The following RPL39 variants were observed in gnomAD, a reference collection of about 807,000 sequenced individuals.
RPL39 encodes the protein large ribosomal subunit protein eL39.
For missense variants in RPL39, 6 were observed against 37.2 expected, an observed-to-expected ratio of 0.16 and a Z score of 2.18; for synonymous variants, 8 against 11.4, an observed-to-expected ratio of 0.70 and a Z score of 0.60.
chrX:119,790,135 T>C (rs1569456269), intron 1 of RPL39, 124 bp from the exon 2 acceptor site: 1 of 431,459 alleles, frequency 2.3e-6, no homozygotes, highest in East Asian at 3.8e-5. Context: ...ATCTTCTCAA[T>C]GCTAAGCCAT....
intron 2 of RPL39, among the ~76,000 whole-genome samples, chrX:119,788,643 C>T (rs1052573020): frequency 9.0e-6 from 1 of 111,683 alleles, no homozygotes; most frequent in Non-Finnish European, 1.9e-5. Flanking sequence ...CCTGTAGTCC[C>T]AGCTACTCAG....
intron 1 of RPL39, 145 bp from the exon 2 acceptor site, chrX:119,790,156 A>T (rs1261893045): frequency 1.9e-5 from 8 of 410,564 alleles, no homozygotes; most frequent in Non-Finnish European, 3.4e-5. Context: ...CAAGCCAAGC[A>T]AGTCTCTGAC....
chrX:119,786,567 T>A lies in RPL39; in HGVS notation c.*117A>T, dbSNP rs1372906147. On this transcript the variant is annotated 3_prime_UTR_variant, in exon 3 of 3. Coordinates refer to ENST00000361575, the MANE Select transcript of RPL39 (RefSeq NM_001000.4). ...GCCAACCAACGTGTTCATAACAGAT[T>A]CAGAGAGGAAAACACGTCGAAATCT... The A allele has an allele frequency of 1.8e-6, 1 of 566,749 alleles. No individual in the cohort carries two copies. The highest frequency in any genetic ancestry group is 2.9e-6 in the Non-Finnish European group (1 of 340,902). The allele number at this position is 566,749 out of a possible 1,213,427, so 46.7% of individuals were successfully genotyped here.
chrX:119,788,321 C>T (rs1323019614), intron 2 of RPL39, among the ~76,000 whole-genome samples: 1 of 111,252 alleles, frequency 9.0e-6, no homozygotes, highest in Non-Finnish European at 1.9e-5. Flanking sequence ...ATCACGAGGT[C>T]AGGAGTTCAA....
intron 1 of RPL39, chrX:119,790,263 A>G (rs370405060): frequency 1.8e-5 from 5 of 274,404 alleles, no homozygotes; most frequent in East Asian, 1.2e-4. Context: ...CAGAGCATCA[A>G]TGTGCAGAAC....
At chrX:119,787,683 C>T (rs1482376520) in intron 2 of RPL39, among the ~76,000 whole-genome samples, 2 of 111,263 alleles carry the variant, frequency 1.8e-5, no homozygotes, top group East Asian at 2.8e-4. Context: ...GACAGGGTCA[C>T]ACTGTTGCCC....
chrX:119,786,756 T>TA (rs771824163), intron 2 of RPL39, 24 bp from the exon 3 acceptor site: 12 of 1,171,940 alleles, frequency 1.0e-5, no homozygotes, highest in South Asian at 9.1e-5. Context: ...AATGTCAAGT[T>TA]ACAAAGGCAG....
In RPL39 at chrX:119,789,002, C is replaced by T. The variant is rs1405967220; in HGVS notation, c.107+906G>A. 4.5e-5 allele frequency among the ~76,000 whole-genome samples: 5 copies of T among 112,092 alleles called. No homozygotes were observed. The East Asian group carries it at 8.4e-4, about 19-fold the overall frequency. ...AGACTGGGCTAGGTGTGATGGCTCA[C>T]GCCTGTAATCTCTGCACTTTGGTAG... On this transcript the variant is annotated intron_variant, in intron 2 of 2. Coordinates refer to ENST00000361575, the MANE Select transcript of RPL39 (RefSeq NM_001000.4).
chrX:119,791,377 C>T (rs2055700391), intron 1 of RPL39, 197 bp downstream of exon 1: 1 of 327,042 alleles, frequency 3.1e-6, no homozygotes, highest in Non-Finnish European at 5.4e-6. Context: ...CGCAGCCCGT[C>T]CCTCTCCAGG....
At chrX:119,791,526 CG>C (rs1287399201) in intron 1 of RPL39, 47 bp downstream of exon 1, 2 of 1,093,390 alleles carry the variant, frequency 1.8e-6, no homozygotes, top group African/African-American at 3.8e-5. Context: ...GCAGCGGCCT[CG>C]GGTTTTGGGA....
At chrX:119,791,175 A>G (rs1370365246) in intron 1 of RPL39, 5 of 170,000 alleles carry the variant, frequency 2.9e-5, no homozygotes, top group African/African-American at 1.6e-4. Context: ...AGCCCACAAT[A>G]CCCTCCTGAT....
chrX:119,786,551 C>T lies in RPL39; in HGVS notation c.*133G>A, dbSNP rs190859797. ...TTTATTACTGAATCCAGCCAACCAA[C>T]GTGTTCATAACAGATTCAGAGAGGA... is the stretch of plus-strand genomic sequence containing the variant. On this transcript the variant is annotated 3_prime_UTR_variant, in exon 3 of 3. Coordinates refer to ENST00000361575, the MANE Select transcript of RPL39 (RefSeq NM_001000.4). The T allele has an allele frequency of 8.2e-4, 406 of 496,070 alleles. 1 individual carries two copies. Among genetic ancestry groups the T allele is most frequent in the South Asian group, 2.1e-3 (57 of 27,563 alleles). The allele number at this position is 496,070 out of a possible 1,213,427, so 40.9% of individuals were successfully genotyped here. A position where few individuals can be genotyped will look rare whatever the true frequency, so the allele number is the denominator to read the frequency against.
At chrX:119,787,843 G>A (rs1369565348) in intron 2 of RPL39, among the ~76,000 whole-genome samples, 1 of 110,370 alleles carries the variant, frequency 9.1e-6, no homozygotes, top group African/African-American at 3.3e-5. Context: ...AGAGATGGAC[G>A]GGGGTGGTCT....
At chrX:119,787,122 GCCC>G (rs919770822) in intron 2 of RPL39, among the ~76,000 whole-genome samples, 5 of 110,182 alleles carry the variant, frequency 4.5e-5, no homozygotes, top group African/African-American at 1.3e-4. Flanking sequence ...AGAGTCGCCC[GCCC>G]CCCCAACACC....
At chrX:119,789,799 T>C (rs779453771) in intron 2 of RPL39, 109 bp downstream of exon 2, 19 of 473,756 alleles carry the variant, frequency 4.0e-5, no homozygotes, top group South Asian at 3.8e-4. Flanking sequence ...AAAGGGTGGA[T>C]TGGATTGCAT....
intron 2 of RPL39, among the ~76,000 whole-genome samples, chrX:119,789,070 G>C (rs2055684331): frequency 9.0e-6 from 1 of 111,026 alleles, no homozygotes; most frequent in Non-Finnish European, 1.9e-5. Context: ...TTCAAGACCA[G>C]CTTGGGCAAC....
intron 2 of RPL39, among the ~76,000 whole-genome samples, chrX:119,787,921 A>C (rs1488090137): frequency 9.0e-6 from 1 of 111,227 alleles, no homozygotes; most frequent in Admixed American, 9.7e-5. Flanking sequence ...GCCTCTCCCA[A>C]AGTGCTGGGA....
At chrX:119,790,509 G>A (rs1307913969) in intron 1 of RPL39, 1 of 112,563 alleles carries the variant, frequency 8.9e-6, no homozygotes, top group Non-Finnish European at 1.9e-5. Context: ...TATTGGGAGG[G>A]TAATTAAGAC....
chrX:119,791,197 T>C (rs1030322470), intron 1 of RPL39: 31 of 197,171 alleles, frequency 1.6e-4, no homozygotes, highest in African/African-American at 8.3e-4. Flanking sequence ...ACCCTCCACG[T>C]TGCGCATGCC....
Sources: gnomAD v4.1 joint callset for allele counts (sites outside exome capture counted in the v4.1 genomes callset) on GRCh38, gnomAD v4.1.1 for gene constraint, MANE v1.5 for transcripts, NCBI Gene and HGNC (gene_info 2026-07-23, HGNC 2026-07-21) for gene names.